The following TG variants were observed in gnomAD, a reference collection of about 807,000 sequenced individuals.
TG encodes thyroglobulin, also known as thyroid hormones.
TG carries 270 observed loss-of-function variants against 324.7 expected under a neutral mutation model. That is an observed-to-expected ratio of 0.83 (90% CI 0.75 to 0.92). TG has a LOEUF of 0.92. TG is among the 40% of genes least tolerant of loss of function. The probability of loss-of-function intolerance (pLI) is 0.00; values close to 1 mark genes in which losing one functional copy is unlikely to be tolerated. For missense variants in TG, 3,591 were observed against 3,456.4 expected (o/e 1.04, Z -0.98); for synonymous variants, 1,401 against 1,327.0 (o/e 1.06, Z -1.21).
chr8:133,120,620 G>A (rs528046465), intron 45 of TG, among the ~76,000 whole-genome samples: 8 of 152,214 alleles, frequency 5.3e-5, no homozygotes, highest in South Asian at 2.1e-4. Context: ...TCTTTACGTC[G>A]TCTTTCTTCG....
chr8:133,016,006 A>T (rs1430424455), intron 37 of TG, among the ~76,000 whole-genome samples: 1 of 143,692 alleles, frequency 7.0e-6, no homozygotes, highest in African/African-American at 2.6e-5. Context: ...TCATTCATTT[A>T]CTTATGTGTT....
At chr8:132,924,317 C>G (rs1821520450) in intron 22 of TG, among the ~76,000 whole-genome samples, 1 of 152,166 alleles carries the variant, frequency 6.6e-6, no homozygotes, top group African/African-American at 2.4e-5. Context: ...TCACCTCCTG[C>G]TGCGTGGCCC....
chr8:132,908,444 C>A, intron 18 of TG, 104 bp downstream of exon 18: 1 of 837,568 alleles, frequency 1.2e-6, no homozygotes, highest in Non-Finnish European at 1.8e-6. Flanking sequence ...GAGACAGGGG[C>A]CCCATCTTCA....
intron 21 of TG, among the ~76,000 whole-genome samples, chr8:132,922,410 C>A (rs970726231): frequency 1.3e-5 from 2 of 152,182 alleles, no homozygotes; most frequent in Non-Finnish European, 1.5e-5. Flanking sequence ...CAAAACCATA[C>A]CTGGTCTGTG....
At position 132,883,009 on chromosome 8, in the gene TG, C is replaced by T. The variant is rs377623163; in HGVS notation, c.1075+10C>T. Reference sequence around the variant, plus strand: ...GAGCCGCCATCTTGTGGTGGGTTTCCTCTGGGGGCTTCCTCTTTCGGCCTC... The same window carrying T: ...GAGCCGCCATCTTGTGGTGGGTTTCTTCTGGGGGCTTCCTCTTTCGGCCTC... On this transcript the variant is annotated intron_variant, in intron 8 of 47. Coordinates refer to ENST00000220616, the MANE Select transcript of TG (RefSeq NM_003235.5). 6.2e-7 allele frequency: 1 copy of T among 1,613,114 alleles called. No homozygotes were observed. Among genetic ancestry groups the T allele is most frequent in the Non-Finnish European group, 8.5e-7 (1 of 1,179,754 alleles).
chr8:133,104,345 A>C (rs1443510015), intron 43 of TG, among the ~76,000 whole-genome samples: 2 of 152,248 alleles, frequency 1.3e-5, no homozygotes, highest in Non-Finnish European at 2.9e-5. Context: ...TTAAAAAGGA[A>C]CATTTCTGGC....
chr8:132,933,434 T>TTTTG (rs1554672522), intron 23 of TG, 127 bp from the exon 24 acceptor site: 28 of 681,730 alleles, frequency 4.1e-5, no homozygotes, highest in Non-Finnish European at 5.5e-5. Flanking sequence ...ATCTGCATAT[T>TTTTG]TGTGTGTGTG....
chr8:133,093,119 GTTT>G (rs1438370950), intron 41 of TG, among the ~76,000 whole-genome samples: 64 of 139,762 alleles, frequency 4.6e-4, no homozygotes, highest in South Asian at 1.1e-3. Context: ...GTGTGTGTGT[GTTT>G]TCTTTTCTTT....
At chr8:133,016,651 C>A (rs886437483) in intron 37 of TG, among the ~76,000 whole-genome samples, 9 of 152,186 alleles carry the variant, frequency 5.9e-5, no homozygotes, top group African/African-American at 2.2e-4. Context: ...CAGACCAAAT[C>A]TACGTGTCAG....
chr8:133,038,721 C>T lies in TG; in HGVS notation c.7239+8698C>T, dbSNP rs201667666. ...ACCCCAAGCGGGTTCTCTGTTCCCT[C>T]GGGGTCCTCCTGCAGTCTGTGGGCC... On this transcript the variant is annotated intron_variant, in intron 41 of 47. Coordinates refer to ENST00000220616, the MANE Select transcript of TG (RefSeq NM_003235.5). The T allele has an allele frequency of 7.3e-5, 117 of 1,613,362 alleles. No individual in the cohort carries two copies. The highest frequency in any genetic ancestry group is 1.6e-4 in the Middle Eastern group (1 of 6,080).
At chr8:133,121,591 T>C (rs1251948422) in intron 45 of TG, among the ~76,000 whole-genome samples, 1 of 152,244 alleles carries the variant, frequency 6.6e-6, no homozygotes, top group African/African-American at 2.4e-5. Context: ...TGCTGGCATC[T>C]ACTAGTTTGG....
intron 30 of TG, 22 bp downstream of exon 30, chr8:132,966,719 T>G: frequency 6.2e-7 from 1 of 1,613,516 alleles, no homozygotes; most frequent in Non-Finnish European, 8.5e-7. Flanking sequence ...TAGAACTCAT[T>G]CTTCTTCTTC....
chr8:132,995,197 C>A (rs1248064584), intron 35 of TG: 1 of 952,650 alleles, frequency 1.0e-6, no homozygotes, highest in Non-Finnish European at 1.2e-6. Context: ...CTGCTCTAAG[C>A]CCCAGTTTCT....
At chr8:133,070,582 C>T (rs1392210871) in intron 41 of TG, among the ~76,000 whole-genome samples, 1 of 152,152 alleles carries the variant, frequency 6.6e-6, no homozygotes, top group African/African-American at 2.4e-5. Flanking sequence ...ATCTGAGTCT[C>T]AGAGAGGTAA....
At chr8:132,951,898 A>G (rs1826159722) in intron 27 of TG, among the ~76,000 whole-genome samples, 1 of 152,172 alleles carries the variant, frequency 6.6e-6, no homozygotes, top group Non-Finnish European at 1.5e-5. Flanking sequence ...CTAACAACAG[A>G]TATTGATGGA....
chr8:133,032,513 G>A (rs1836730155), intron 41 of TG, among the ~76,000 whole-genome samples: 2 of 152,120 alleles, frequency 1.3e-5, no homozygotes, highest in African/African-American at 2.4e-5. Flanking sequence ...TTTAACAAAT[G>A]GCAGTGTATT....
At chr8:133,099,584 C>G (rs1402706150) in intron 43 of TG, among the ~76,000 whole-genome samples, 1 of 152,198 alleles carries the variant, frequency 6.6e-6, no homozygotes, top group Admixed American at 6.5e-5. Context: ...CATAGTGTCT[C>G]ATCCATAACA....
chr8:133,038,618 G>A lies in TG; in HGVS notation c.7239+8595G>A. 3.1e-6 allele frequency: 5 copies of A among 1,614,040 alleles called. No individual in the cohort carries two copies. The highest frequency in any genetic ancestry group is 4.2e-6 in the Non-Finnish European group (5 of 1,179,916). On this transcript the variant is annotated intron_variant, in intron 41 of 47. Transcript: ENST00000220616. Reference sequence around the variant, plus strand: ...GATGCTTTTCTTCTTTCGATCAAAGGAGGTGTTGTCCTCACTGGTCAGGGA... The same window carrying A: ...GATGCTTTTCTTCTTTCGATCAAAGAAGGTGTTGTCCTCACTGGTCAGGGA...
chr8:133,114,408 C>T (rs914847886), intron 44 of TG, among the ~76,000 whole-genome samples: 17 of 152,162 alleles, frequency 1.1e-4, no homozygotes, highest in Non-Finnish European at 2.1e-4. Flanking sequence ...CAGGGGTTGT[C>T]GGGACAGACC....
Sources: gnomAD v4.1 joint callset for allele counts (sites outside exome capture counted in the v4.1 genomes callset) on GRCh38, gnomAD v4.1.1 for gene constraint, MANE v1.5 for transcripts, NCBI Gene and HGNC (gene_info 2026-07-23, HGNC 2026-07-21) for gene names.